The following TLR4 variants were observed in gnomAD, a reference collection of about 807,000 sequenced individuals.
TLR4 encodes toll-like receptor 4.
In TLR4, 17 loss-of-function variants were observed where a neutral mutation model predicts 27.4. The ratio of observed to expected loss-of-function variants is 0.62; its 90% CI spans 0.42 to 0.93. The LOEUF is 0.93. TLR4 is among the 40% of genes least tolerant of loss of function. The probability of loss-of-function intolerance (pLI) is 0.00; values close to 1 mark genes in which losing one functional copy is unlikely to be tolerated. For synonymous variants in TLR4, 363 were observed against 365.7 expected (o/e 0.99, Z 0.08); for missense variants, 926 against 962.3 (o/e 0.96, Z 0.50).
rs114828373 is a variant in TLR4 at position 117,712,306 on chromosome 9, G to A, written c.261-83G>A. The A allele has an allele frequency of 3.3e-4, 438 of 1,334,546 alleles. No individual in the cohort carries two copies. In the African/African-American group the frequency reaches 5.8e-3, roughly 18 times the overall value. 82.7% of individuals were successfully genotyped at this position (1,334,546 alleles called of 1,614,324 possible). On this transcript the variant is annotated intron_variant, in intron 2 of 2. Coordinates refer to ENST00000355622, the MANE Select transcript of TLR4 (RefSeq NM_138554.5). ...ATGACCCATCACATCTGTATGAAGAGCTGGATGACTAGGATTAATATTCTA... is the reference window on the plus strand; with the variant it reads ...ATGACCCATCACATCTGTATGAAGAACTGGATGACTAGGATTAATATTCTA...
rs1296731684 is a variant in TLR4, at chr9:117,722,640, A to C, written c.*7992A>C. 1 of 152,238 alleles carries C rather than the reference A, an allele frequency of 6.6e-6. No homozygotes were observed. Among genetic ancestry groups the C allele is most frequent in the African/African-American group, 2.4e-5 (1 of 41,468 alleles). 9.4% of individuals were successfully genotyped at this position (152,238 alleles called of 1,614,324 possible). On this transcript the variant is annotated 3_prime_UTR_variant, in exon 3 of 3. Coordinates refer to ENST00000355622, the MANE Select transcript of TLR4 (RefSeq NM_138554.5). ...GAATACCTTTGCCAGTTTCTGGCAT[A>C]TTAACAGCTGAGATCAGATAAGTGA...
At position 117,713,202 on chromosome 9, in the gene TLR4, C is replaced by T. The variant is rs1467688462; in HGVS notation, c.1074C>T (p.Phe358=). 1.2e-6 allele frequency: 2 copies of T among 1,613,944 alleles called. No individual in the cohort carries two copies. Among genetic ancestry groups the T allele is most frequent in the African/African-American group, 1.3e-5 (1 of 74,928 alleles). ...TCAAATCTCTCAAAAGGCTTACTTTCACTTCCAACAAAGGTGGGAATGCTT... is the reference window on the plus strand; with the variant it reads ...TCAAATCTCTCAAAAGGCTTACTTTTACTTCCAACAAAGGTGGGAATGCTT... ...LKLKSLKRLT[F]TSNKGGNAFS... Residue 358 remains phenylalanine (F), a synonymous_variant, in exon 3 of 3, where the codon TTC becomes TTT. Transcript: ENST00000355622.
chr9:117,715,099 A>C lies in TLR4; in HGVS notation c.*451A>C, dbSNP rs199501554. 2.3e-4 allele frequency: 46 copies of C among 197,726 alleles called. No homozygotes were observed. Among genetic ancestry groups the C allele is most frequent in the Non-Finnish European group, 3.8e-4 (36 of 94,200 alleles). 12.2% of individuals were successfully genotyped at this position (197,726 alleles called of 1,614,324 possible). A position where few individuals can be genotyped will look rare whatever the true frequency, so the allele number is the denominator to read the frequency against. On this transcript the variant is annotated 3_prime_UTR_variant, in exon 3 of 3. Transcript: ENST00000355622. ...AATTTAAATTCTACTTGATGACTGC[A>C]GTCGTCAAGGGGCTCCTGATGCAAG...
chr9:117,719,261 T>C lies in TLR4; in HGVS notation c.*4613T>C, dbSNP rs1829395075. 1 of 152,242 alleles carries C rather than the reference T, an allele frequency of 6.6e-6. No homozygotes were observed. The highest frequency in any genetic ancestry group is 1.5e-5 in the Non-Finnish European group (1 of 68,038). 9.4% of individuals were successfully genotyped at this position (152,242 alleles called of 1,614,324 possible). A position where few individuals can be genotyped will look rare whatever the true frequency, so the allele number is the denominator to read the frequency against. ...GTGCTATCTCAGTTTGTCACATCAA[T>C]GAATTAGAAAGATACGAAAGTATTT... On this transcript the variant is annotated 3_prime_UTR_variant, in exon 3 of 3. Transcript: ENST00000355622.
At chr9:117,712,050 C>T (rs1829239826) in intron 2 of TLR4, among the ~76,000 whole-genome samples, 1 of 152,118 alleles carries the variant, frequency 6.6e-6, no homozygotes, top group African/African-American at 2.4e-5. Context: ...TAAACTTGAT[C>T]CAAGGCTATT....
rs1431196865 is a variant in TLR4, at chr9:117,714,431, T to C, written c.2303T>C (p.Phe768Ser). Residue 768 changes from phenylalanine (F) to serine (S), a missense_variant, in exon 3 of 3, where the codon TTC (phenylalanine) becomes TCC (serine). Coordinates refer to ENST00000355622, the MANE Select transcript of TLR4 (RefSeq NM_138554.5). ...CTGAGCAGTCGTGCTGGTATCATCTTCATTGTCCTGCAGAAGGTGGAGAAG... is the reference window on the plus strand; with the variant it reads ...CTGAGCAGTCGTGCTGGTATCATCTCCATTGTCCTGCAGAAGGTGGAGAAG... ...QFLSSRAGII[F>S]IVLQKVEKTL... is the part of the protein sequence containing the mutation. 6.2e-7 allele frequency: 1 copy of C among 1,613,920 alleles called. No individual in the cohort carries two copies. Among genetic ancestry groups the C allele is most frequent in the Non-Finnish European group, 8.5e-7 (1 of 1,179,954 alleles).
Position 117,714,720 on chromosome 9 carries a change from T to G in TLR4, c.*72T>G, listed in dbSNP as rs55825275. The G allele has an allele frequency of 3.8e-6, 5 of 1,325,608 alleles. No individual in the cohort carries two copies. The highest frequency in any genetic ancestry group is 5.4e-6 in the Non-Finnish European group (5 of 930,522). 82.1% of individuals were successfully genotyped at this position (1,325,608 alleles called of 1,614,324 possible). A position where few individuals can be genotyped will look rare whatever the true frequency, so the allele number is the denominator to read the frequency against. ...CCAACACTTGTTCAGTTAATAAGTA[T>G]TAAATGCTGCCACATGTCAGGCCTT... On this transcript the variant is annotated 3_prime_UTR_variant, in exon 3 of 3. Coordinates refer to ENST00000355622, the MANE Select transcript of TLR4 (RefSeq NM_138554.5).
rs1829104934 is a variant in TLR4 at position 117,704,601 on chromosome 9, T to G, written c.93+36T>G. ...GGAGTCAGCTCCTCTGAACTTTCCCTCACTTCTGCCCAGAACTTCTCACTG... is the reference window on the plus strand; with the variant it reads ...GGAGTCAGCTCCTCTGAACTTTCCCGCACTTCTGCCCAGAACTTCTCACTG... On this transcript the variant is annotated intron_variant, in intron 1 of 2. Transcript: ENST00000355622. The G allele has an allele frequency of 1.9e-6, 3 of 1,572,462 alleles. No homozygotes were observed. In the East Asian group the frequency reaches 6.7e-5, roughly 35 times the overall value.
At position 117,712,403 on chromosome 9, in the gene TLR4, C is replaced by A. The variant is rs773935250; in HGVS notation, c.275C>A (p.Thr92Lys). Residue 92 changes from threonine to lysine, a missense_variant, in exon 3 of 3, where the codon ACA (threonine) becomes AAA (lysine). Coordinates refer to ENST00000355622, the MANE Select transcript of TLR4 (RefSeq NM_138554.5). ...VLDLSRCEIQ[T>K]IEDGAYQSLS... ...TATTCCTGTAGGTGTGAAATCCAGA[C>A]AATTGAAGATGGGGCATATCAGAGC... The A allele has an allele frequency of 6.2e-7, 1 of 1,613,662 alleles. No homozygotes were observed. The highest frequency in any genetic ancestry group is 1.7e-5 in the Admixed American group (1 of 59,944).
In TLR4 at chr9:117,716,193, A is replaced by G. The variant is rs1829344538; in HGVS notation, c.*1545A>G. ...AATAGAACTGCTATATGATCCAGCAATCTCACTTCTGTATATATACCCAAA... is the reference window on the plus strand; with the variant it reads ...AATAGAACTGCTATATGATCCAGCAGTCTCACTTCTGTATATATACCCAAA... On this transcript the variant is annotated 3_prime_UTR_variant, in exon 3 of 3. Coordinates refer to ENST00000355622, the MANE Select transcript of TLR4 (RefSeq NM_138554.5). The G allele has an allele frequency of 6.6e-6, 1 of 152,224 alleles. No individual in the cohort carries two copies. Among genetic ancestry groups the G allele is most frequent in the African/African-American group, 2.4e-5 (1 of 41,458 alleles). The allele number at this position is 152,224 out of a possible 1,614,324, so 9.4% of individuals were successfully genotyped here.
rs1314061326 is a variant in TLR4, at chr9:117,717,203, T to A, written c.*2555T>A. ...TCCATTTGAAATGGATGTCTATGGC[T>A]GTTTGAGATGAGTTCTCTACTCTTG... On this transcript the variant is annotated 3_prime_UTR_variant, in exon 3 of 3. Coordinates refer to ENST00000355622, the MANE Select transcript of TLR4 (RefSeq NM_138554.5). 1.3e-5 allele frequency: 2 copies of A among 152,162 alleles called. No homozygotes were observed. The highest frequency in any genetic ancestry group is 2.9e-5 in the Non-Finnish European group (2 of 68,028). 9.4% of individuals were successfully genotyped at this position (152,162 alleles called of 1,614,324 possible). A position where few individuals can be genotyped will look rare whatever the true frequency, so the allele number is the denominator to read the frequency against.
In TLR4 at chr9:117,716,961, CTGAG is replaced by C. The variant is rs1484372048; in HGVS notation, c.*2316_*2319del. On this transcript the variant is annotated 3_prime_UTR_variant, in exon 3 of 3. Transcript: ENST00000355622. ...TGACCACAGTCAGAAGTGTTTGTTA[CTGAG>C]TGTTTCAGAGTGTGTTTGGTTTGAG... The C allele has an allele frequency of 6.6e-6, 1 of 152,168 alleles. No individual in the cohort carries two copies. The highest frequency in any genetic ancestry group is 1.9e-4 in the East Asian group (1 of 5,194). 9.4% of individuals were successfully genotyped at this position (152,168 alleles called of 1,614,324 possible). A position where few individuals can be genotyped will look rare whatever the true frequency, so the allele number is the denominator to read the frequency against.
chr9:117,712,621 T>G lies in TLR4; in HGVS notation c.493T>G (p.Phe165Val). ...LNVAHNLIQSFKLPEYFSNLT... is the reference protein window; with the variant it reads ...LNVAHNLIQSVKLPEYFSNLT... ...TGTGGCTCACAATCTTATCCAATCTTTCAAATTACCTGAGTATTTTTCTAA... is the reference window on the plus strand; with the variant it reads ...TGTGGCTCACAATCTTATCCAATCTGTCAAATTACCTGAGTATTTTTCTAA... Residue 165 changes from phenylalanine to valine, a missense_variant, in exon 3 of 3, where the codon TTC becomes GTC. Phe to Val is a conservative substitution (Grantham distance 50). Coordinates refer to ENST00000355622, the MANE Select transcript of TLR4 (RefSeq NM_138554.5). 1 of 1,614,074 alleles carries G rather than the reference T, an allele frequency of 6.2e-7. No individual in the cohort carries two copies. The highest frequency in any genetic ancestry group is 2.2e-5 in the East Asian group (1 of 44,846).
chr9:117,709,000 G>A (rs1198882665), intron 2 of TLR4: 5 of 405,534 alleles, frequency 1.2e-5, no homozygotes, highest in Non-Finnish European at 2.3e-5. Context: ...GAGAAAATTA[G>A]CTTAAATTCT....
intron 2 of TLR4, among the ~76,000 whole-genome samples, chr9:117,710,454 T>C (rs1829213547): frequency 1.3e-5 from 2 of 151,536 alleles, no homozygotes; most frequent in African/African-American, 2.4e-5. Context: ...CCTCTCCCTT[T>C]TTTTTTTTTT....
rs200109285 is a variant in TLR4, at chr9:117,713,685, C to T, written c.1557C>T (p.Leu519=). ...TGTCTCCAACAGCATTTAACTCACT[C>T]TCCAGTCTTCAGGTACTAAATATGA... The part of the protein sequence containing the change: ...EQLSPTAFNS[L]SSLQVLNMSH... The change falls in exon 3 of 3, where the codon CTC becomes CTT. Residue 519 remains leucine (L), a synonymous_variant. Coordinates refer to ENST00000355622, the MANE Select transcript of TLR4 (RefSeq NM_138554.5). 9 of 1,613,902 alleles carry T rather than the reference C, an allele frequency of 5.6e-6. No individual in the cohort carries two copies. In the African/African-American group the frequency reaches 1.2e-4, roughly 22 times the overall value.
At chr9:117,705,076 A>G (rs916689762) in intron 1 of TLR4, among the ~76,000 whole-genome samples, 1 of 152,162 alleles carries the variant, frequency 6.6e-6, no homozygotes, top group Non-Finnish European at 1.5e-5. Context: ...ATGCAGTAAT[A>G]TAGTTTAGTC....
Position 117,716,892 on chromosome 9 carries a change from A to C in TLR4, c.*2244A>C, listed in dbSNP as rs951847019. 6.6e-6 allele frequency: 1 copy of C among 152,200 alleles called. No individual in the cohort carries two copies. Among genetic ancestry groups the C allele is most frequent in the Non-Finnish European group, 1.5e-5 (1 of 68,026 alleles). The allele number at this position is 152,200 out of a possible 1,614,324, so 9.4% of individuals were successfully genotyped here. A position where few individuals can be genotyped will look rare whatever the true frequency, so the allele number is the denominator to read the frequency against. On this transcript the variant is annotated 3_prime_UTR_variant, in exon 3 of 3. Coordinates refer to ENST00000355622, the MANE Select transcript of TLR4 (RefSeq NM_138554.5). ...ATCAATTATGTCTGAATGAAGCTAT[A>C]AAAAAGAAAAGACAACAAAATTCAG...
rs1350061012 is a variant in TLR4, at chr9:117,713,862, G to C, written c.1734G>C (p.Gln578His). ...PSSLAFLNLT[Q>H]NDFACTCEHQ... is the part of the protein sequence containing the mutation. ...GTCTAGCTTTCTTAAATCTTACTCA[G>C]AATGACTTTGCTTGTACTTGTGAAC... The change falls in exon 3 of 3, where the codon CAG becomes CAC. Residue 578 changes from glutamine to histidine, a missense_variant. Physicochemically the swap from Gln to His is conservative, Grantham distance 24 (BLOSUM62 0). Coordinates refer to ENST00000355622, the MANE Select transcript of TLR4 (RefSeq NM_138554.5). The C allele has an allele frequency of 1.8e-5, 29 of 1,613,870 alleles. No homozygotes were observed. Among genetic ancestry groups the C allele is most frequent in the Non-Finnish European group, 2.4e-5 (28 of 1,180,016 alleles).
Sources: gnomAD v4.1 joint callset for allele counts (sites outside exome capture counted in the v4.1 genomes callset) on GRCh38, gnomAD v4.1.1 for gene constraint, MANE v1.5 for transcripts, NCBI Gene and HGNC (gene_info 2026-07-23, HGNC 2026-07-21) for gene names.